Variants in CNR1 observed in about 807,000 individuals in gnomAD.
CNR1 encodes the protein cannabinoid receptor 1.
CNR1 carries 10 observed loss-of-function variants against 23.0 expected under a neutral mutation model. The ratio of observed to expected loss-of-function variants is 0.43; its 90% CI spans 0.27 to 0.74. CNR1 has a LOEUF of 0.74. Ranked by LOEUF, CNR1 falls within the 30% of genes least tolerant of loss-of-function variation. The pLI, the probability that CNR1 is intolerant of heterozygous loss-of-function variation, is 0.19. For missense variants in CNR1, 422 were observed against 618.8 expected, an observed-to-expected ratio of 0.68 and a Z score of 3.37; for synonymous variants, 271 against 255.2, an observed-to-expected ratio of 1.06 and a Z score of -0.59.
intron 1 of CNR1, among the ~76,000 whole-genome samples, chr6:88,162,059 T>C (rs1160283149): frequency 6.6e-6 from 1 of 152,184 alleles, no homozygotes; most frequent in Non-Finnish European, 1.5e-5. Flanking sequence ...TGTGGTGATG[T>C]TCACCCTGGC....
At chr6:88,152,995 C>T (rs1461697671) in intron 1 of CNR1, among the ~76,000 whole-genome samples, 6 of 152,038 alleles carry the variant, frequency 3.9e-5, no homozygotes, top group Admixed American at 3.3e-4. Flanking sequence ...GATTGAATGA[C>T]ATATAAGGGA....
intron 1 of CNR1, among the ~76,000 whole-genome samples, chr6:88,159,889 C>T (rs1376404820): frequency 2.6e-5 from 4 of 151,960 alleles, no homozygotes; most frequent in Admixed American, 2.0e-4. Context: ...GGCATTAAGT[C>T]CCTCATATAA....
Position 88,143,789 on chromosome 6 carries a change from A to G in CNR1, c.*67T>C. 2.6e-6 allele frequency: 3 copies of G among 1,144,270 alleles called. No homozygotes were observed. The highest frequency in any genetic ancestry group is 2.9e-5 in the South Asian group (2 of 69,048). The allele number at this position is 1,144,270 out of a possible 1,614,324, so 70.9% of individuals were successfully genotyped here. The stretch of plus-strand genomic sequence containing the variant: ...AAAAAAATATAACCAAGGAGACAAT[A>G]GACTCTTCTAGATTTTGAGCTTAAA... On this transcript the variant is annotated 3_prime_UTR_variant, in exon 2 of 2. Coordinates refer to ENST00000369501, the MANE Select transcript of CNR1 (RefSeq NM_016083.6).
chr6:88,155,378 T>C (rs1394985216), intron 1 of CNR1, among the ~76,000 whole-genome samples: 2 of 152,344 alleles, frequency 1.3e-5, no homozygotes, highest in Non-Finnish European at 2.9e-5. Context: ...TATATTATTT[T>C]TCCTTAATAT....
chr6:88,154,545 T>A (rs533043706), intron 1 of CNR1, among the ~76,000 whole-genome samples: 1 of 152,354 alleles, frequency 6.6e-6, no homozygotes, highest in African/African-American at 2.4e-5. Context: ...GAGAGAGAGA[T>A]CTTTCTACAT....
intron 1 of CNR1, among the ~76,000 whole-genome samples, chr6:88,156,363 A>G (rs2127763855): frequency 6.6e-6 from 1 of 152,304 alleles, no homozygotes; most frequent in African/African-American, 2.4e-5. Context: ...GACCCCCAAA[A>G]TATATCCATG....
rs749565225 is a variant in CNR1, at chr6:88,143,851, C to G, written c.*5G>C. 5 of 1,605,624 alleles carry G rather than the reference C, an allele frequency of 3.1e-6. No homozygotes were observed. The highest frequency in any genetic ancestry group is 4.3e-6 in the Non-Finnish European group (5 of 1,173,530). The stretch of plus-strand genomic sequence containing the variant: ...TTTTCCTGTGCTGCCAGGGAGGCAT[C>G]AGGCTCACAGAGCCTCGGCAGACGT... On this transcript the variant is annotated 3_prime_UTR_variant, in exon 2 of 2. Transcript: ENST00000369501.
chr6:88,148,106 T>G (rs12195101), intron 1 of CNR1, among the ~76,000 whole-genome samples: 123 of 152,318 alleles, frequency 8.1e-4, no homozygotes, highest in Non-Finnish European at 1.5e-3. Flanking sequence ...CCAGATGAAT[T>G]TTAGTTCCAT....
In CNR1 at chr6:88,143,782, A is replaced by G; in HGVS notation, c.*74T>C. 9.7e-7 allele frequency: 1 copy of G among 1,036,196 alleles called. No homozygotes were observed. Among genetic ancestry groups the G allele is most frequent in the South Asian group, 1.5e-5 (1 of 65,588 alleles). 64.2% of individuals were successfully genotyped at this position (1,036,196 alleles called of 1,614,324 possible). A position where few individuals can be genotyped will look rare whatever the true frequency, so the allele number is the denominator to read the frequency against. On this transcript the variant is annotated 3_prime_UTR_variant, in exon 2 of 2. Coordinates refer to ENST00000369501, the MANE Select transcript of CNR1 (RefSeq NM_016083.6). ...TAAAGTTAAAAAAATATAACCAAGG[A>G]GACAATAGACTCTTCTAGATTTTGA...
Position 88,140,871 on chromosome 6 carries a change from C to A in CNR1, c.*2985G>T, listed in dbSNP as rs1157667377. 1 of 152,266 alleles carries A rather than the reference C, an allele frequency of 6.6e-6. No individual in the cohort carries two copies. Among genetic ancestry groups the A allele is most frequent in the South Asian group, 2.1e-4 (1 of 4,806 alleles). 9.4% of individuals were successfully genotyped at this position (152,266 alleles called of 1,614,324 possible). A position where few individuals can be genotyped will look rare whatever the true frequency, so the allele number is the denominator to read the frequency against. Reference sequence around the variant, plus strand: ...TCTACAGCATCTCTCAGATTCATATCCTTTCACATATATTTCATACAAAAT... The same window carrying A: ...TCTACAGCATCTCTCAGATTCATATACTTTCACATATATTTCATACAAAAT... On this transcript the variant is annotated 3_prime_UTR_variant, in exon 2 of 2. Coordinates refer to ENST00000369501, the MANE Select transcript of CNR1 (RefSeq NM_016083.6).
At chr6:88,161,991 T>C (rs1033627407) in intron 1 of CNR1, among the ~76,000 whole-genome samples, 24 of 152,300 alleles carry the variant, frequency 1.6e-4, no homozygotes, top group African/African-American at 2.6e-4. Context: ...ACTAAAAGGA[T>C]TGGCTAAAAA....
At chr6:88,148,296 G>T (rs545244601) in intron 1 of CNR1, among the ~76,000 whole-genome samples, 1 of 152,226 alleles carries the variant, frequency 6.6e-6, no homozygotes, top group East Asian at 1.9e-4. Flanking sequence ...TTCTATCATG[G>T]TACTGACCAG....
In CNR1 at chr6:88,147,243, C is replaced by T. The variant is rs930771451; in HGVS notation, c.-63-1906G>A. ...AGGAGAATCGCTTGAACCCGGGAGG[C>T]GGAGGTTGCAGTGAGGCGAGATTAT... is the stretch of plus-strand genomic sequence containing the variant. On this transcript the variant is annotated intron_variant, in intron 1 of 1. Coordinates refer to ENST00000369501, the MANE Select transcript of CNR1 (RefSeq NM_016083.6). Among the ~76,000 whole-genome samples, 10 of 152,156 alleles carry T rather than the reference C, an allele frequency of 6.6e-5. 1 individual carries two copies. Among genetic ancestry groups the T allele is most frequent in the African/African-American group, 2.4e-4 (10 of 41,428 alleles).
intron 1 of CNR1, among the ~76,000 whole-genome samples, chr6:88,155,893 T>C (rs942293036): frequency 6.6e-6 from 1 of 152,160 alleles, no homozygotes; most frequent in African/African-American, 2.4e-5. Context: ...GGAATATAGA[T>C]GGTAATGACA....
Position 88,139,932 on chromosome 6 carries a change from G to A in CNR1, c.*3924C>T, listed in dbSNP as rs1268618486. 4 of 152,292 alleles carry A rather than the reference G, an allele frequency of 2.6e-5. No individual in the cohort carries two copies. Among genetic ancestry groups the A allele is most frequent in the African/African-American group, 7.2e-5 (3 of 41,438 alleles). The allele number at this position is 152,292 out of a possible 1,614,324, so 9.4% of individuals were successfully genotyped here. ...GGTAACTTTGGACAATAGACATGAT[G>A]AGATGTTTTCTCTTTGAATAAGTTA... On this transcript the variant is annotated 3_prime_UTR_variant, in exon 2 of 2. Transcript: ENST00000369501.
chr6:88,146,812 A>G (rs949801589), intron 1 of CNR1, among the ~76,000 whole-genome samples: 34 of 152,208 alleles, frequency 2.2e-4, no homozygotes, highest in Admixed American at 3.3e-4. Flanking sequence ...GGGAGAGACA[A>G]TCACTATTTC....
At chr6:88,149,299 G>C (rs537940524) in intron 1 of CNR1, among the ~76,000 whole-genome samples, 5 of 152,258 alleles carry the variant, frequency 3.3e-5, no homozygotes, top group African/African-American at 7.2e-5. Context: ...TAACTCTCGA[G>C]TATCCTTAGT....
Position 88,161,784 on chromosome 6 carries a change from G to A in CNR1, c.-64+4019C>T, listed in dbSNP as rs138752465. ...TTCAAAAGCAGCAAGAGAGGTGACA[G>A]CGTCTACTAAAAATCACCCACCTTA... On this transcript the variant is annotated intron_variant, in intron 1 of 1. Coordinates refer to ENST00000369501, the MANE Select transcript of CNR1 (RefSeq NM_016083.6). 3.3e-3 allele frequency among the ~76,000 whole-genome samples: 496 copies of A among 152,248 alleles called. 2 individuals are homozygous for A. The highest frequency in any genetic ancestry group is 0.011 in the African/African-American group (469 of 41,540).
chr6:88,159,347 C>G (rs1582370999), intron 1 of CNR1, among the ~76,000 whole-genome samples: 1 of 152,238 alleles, frequency 6.6e-6, no homozygotes, highest in Non-Finnish European at 1.5e-5. Flanking sequence ...TAATATGGAT[C>G]TACTGCAAAT....
Sources: allele counts gnomAD v4.1 joint callset (sites outside exome capture counted in the v4.1 genomes callset), GRCh38; gene constraint gnomAD v4.1.1; transcripts MANE v1.5; gene names NCBI Gene and HGNC (gene_info 2026-07-23, HGNC 2026-07-21).